The following ZNF717 variants were observed in gnomAD, a reference collection of about 807,000 sequenced individuals.
ZNF717 encodes zinc finger protein 717.
In ZNF717, 9 loss-of-function variants were observed where a neutral mutation model predicts 13.8. That is an observed-to-expected ratio of 0.65 (90% CI 0.39 to 1.14). The LOEUF (loss-of-function observed/expected upper bound fraction) is 1.14, where lower values mean the gene tolerates loss of function less well. ZNF717 is among the 50% of genes most tolerant of loss of function. The pLI is 0.01. For missense variants in ZNF717, 1,040 were observed against 1,080.7 expected, an observed-to-expected ratio of 0.96 and a Z score of 0.53; for synonymous variants, 327 against 364.1, an observed-to-expected ratio of 0.90 and a Z score of 1.16.
downstream of ZNF717, among the ~76,000 whole-genome samples, chr3:75,735,635 T>TAAAAAAA (rs149366090): frequency 3.3e-4 from 26 of 79,838 alleles, no homozygotes; most frequent in East Asian, 4.6e-4. Flanking sequence ...ACTGTCTCAA[T>TAAAAAAA]AAAAAAAAAA....
downstream of ZNF717, among the ~76,000 whole-genome samples, chr3:75,725,960 G>A (rs2106880410): frequency 6.6e-6 from 1 of 152,324 alleles, no homozygotes; most frequent in Middle Eastern, 3.4e-3. Context: ...TTTGCTCCCA[G>A]TTGGGCCTTT....
chr3:75,783,634 CAAT>C (rs999050426), intron 1 of ZNF717, among the ~76,000 whole-genome samples: 2 of 152,152 alleles, frequency 1.3e-5, no homozygotes, highest in Admixed American at 6.5e-5. Flanking sequence ...AATTTAGCAA[CAAT>C]ATTACCTAAA....
At chr3:75,716,204 C>T (rs1208256712) in intron 5 of ZNF717, among the ~76,000 whole-genome samples, 1 of 148,502 alleles carries the variant, frequency 6.7e-6, no homozygotes, top group East Asian at 2.0e-4. Flanking sequence ...TGGTCTTGAT[C>T]TCTTGACCTC....
chr3:75,708,980 ATCTTTTCTTTTTTTTCTTTT>A (rs1158118953), downstream of ZNF717, among the ~76,000 whole-genome samples: 2 of 148,168 alleles, frequency 1.3e-5, no homozygotes, highest in East Asian at 2.0e-4. Flanking sequence ...GAAGTGCCAC[ATCTTTTCTTTTTTTTCTTTT>A]TCTTTTCTTT....
At chr3:75,783,866 T>A (rs1944986967) in intron 1 of ZNF717, among the ~76,000 whole-genome samples, 1 of 152,232 alleles carries the variant, frequency 6.6e-6, no homozygotes, top group Non-Finnish European at 1.5e-5. Context: ...ACAATTACTT[T>A]TTTTTAAATG....
chr3:75,781,414 C>A (rs1364873695), intron 2 of ZNF717, among the ~76,000 whole-genome samples: 10 of 152,052 alleles, frequency 6.6e-5, no homozygotes, highest in Admixed American at 1.3e-4. Flanking sequence ...TCTGGGGACT[C>A]TCCGATTCAT....
downstream of ZNF717, among the ~76,000 whole-genome samples, chr3:75,727,172 G>C (rs201319876): frequency 6.6e-6 from 1 of 152,260 alleles, no homozygotes; most frequent in Non-Finnish European, 1.5e-5. Flanking sequence ...CATAAGCTGA[G>C]GATGTATGTC....
At chr3:75,701,650 A>T (rs1937698989) in intron 6 of ZNF717, among the ~76,000 whole-genome samples, 2 of 152,420 alleles carry the variant, frequency 1.3e-5, no homozygotes, top group South Asian at 4.1e-4. Context: ...AGATTGCGCC[A>T]CTGCACTCCA....
chr3:75,741,406 C>G, intron 3 of ZNF717, 38 bp from the exon 4 acceptor site: 4 of 1,452,196 alleles, frequency 2.8e-6, no homozygotes, highest in Non-Finnish European at 3.8e-6. Flanking sequence ...TGTCAAACCA[C>G]TAAGTCAAAT....
chr3:75,706,592 T>A (rs1326912183), downstream of ZNF717, among the ~76,000 whole-genome samples: 1 of 152,310 alleles, frequency 6.6e-6, no homozygotes, highest in Admixed American at 6.5e-5. Context: ...TGGATACAAA[T>A]CAATGTGCCT....
At chr3:75,761,168 T>C (rs1478655692) in intron 2 of ZNF717, among the ~76,000 whole-genome samples, 1 of 152,148 alleles carries the variant, frequency 6.6e-6, no homozygotes, top group South Asian at 2.1e-4. Flanking sequence ...AAAAGAAAAT[T>C]CCAGGTCCAG....
chr3:75,745,045 A>G (rs376378260), intron 2 of ZNF717, among the ~76,000 whole-genome samples: 1 of 151,862 alleles, frequency 6.6e-6, no homozygotes, highest in African/African-American at 2.4e-5. Context: ...CACATATGGT[A>G]CCAAAACACT....
downstream of ZNF717, among the ~76,000 whole-genome samples, chr3:75,735,311 T>C (rs1313482860): frequency 6.6e-6 from 1 of 152,138 alleles, no homozygotes; most frequent in East Asian, 1.9e-4. Flanking sequence ...AAGTCTATAC[T>C]GCAAACTCCA....
intron 4 of ZNF717, among the ~76,000 whole-genome samples, chr3:75,722,729 G>A (rs3009052): frequency 0.43 from 62,067 of 143,560 alleles, 13,259 homozygotes; most frequent in South Asian, 0.62. Context: ...CAGGAGAATC[G>A]CTTGAACCCA....
At chr3:75,708,975 G>A (rs1383951400), downstream of ZNF717, among the ~76,000 whole-genome samples, 1 of 150,638 alleles carries the variant, frequency 6.6e-6, no homozygotes, top group Non-Finnish European at 1.5e-5. Flanking sequence ...GGGGAGAAGT[G>A]CCACATCTTT....
At chr3:75,723,644 C>T (rs78588736) in intron 4 of ZNF717, among the ~76,000 whole-genome samples, 18 of 152,174 alleles carry the variant, frequency 1.2e-4, no homozygotes, top group African/African-American at 4.1e-4. Flanking sequence ...GAGAAGTGAC[C>T]AGGAGACAAG....
intron 2 of ZNF717, among the ~76,000 whole-genome samples, chr3:75,782,273 A>G (rs1335057312): frequency 1.3e-5 from 2 of 152,240 alleles, no homozygotes; most frequent in African/African-American, 4.8e-5. Context: ...CCCAGAAAAT[A>G]TAACTTTGAA....
intron 2 of ZNF717, among the ~76,000 whole-genome samples, chr3:75,777,959 C>G (rs188740279): frequency 6.8e-6 from 1 of 145,998 alleles, no homozygotes; most frequent in African/African-American, 2.5e-5. Flanking sequence ...ATGGGAGTGA[C>G]GTGCTAAAAC....
At chr3:75,760,886 T>G (rs1338257651) in intron 2 of ZNF717, among the ~76,000 whole-genome samples, 1 of 151,046 alleles carries the variant, frequency 6.6e-6, no homozygotes, top group African/African-American at 2.4e-5. Flanking sequence ...CAATAAAAAT[T>G]TTAAAACTCA....
Sources: allele counts gnomAD v4.1 joint callset (sites outside exome capture counted in the v4.1 genomes callset), GRCh38; gene constraint gnomAD v4.1.1; transcripts MANE v1.5; gene names NCBI Gene and HGNC (gene_info 2026-07-23, HGNC 2026-07-21).